Variants in RWDD2A observed in about 807,000 individuals in gnomAD.
RWDD2A encodes RWD domain containing 2A.
RWDD2A carries 15 observed loss-of-function variants against 23.1 expected under a neutral mutation model. The observed-to-expected ratio is 0.65, with a 90% CI of 0.43 to 1.00. The LOEUF (loss-of-function observed/expected upper bound fraction) is 1.00, where lower values mean the gene tolerates loss of function less well. RWDD2A is among the 50% of genes least tolerant of loss of function. RWDD2A has a pLI of 0.00. For missense variants in RWDD2A, 310 were observed against 341.7 expected, an observed-to-expected ratio of 0.91 and a Z score of 0.73; for synonymous variants, 103 against 123.0, an observed-to-expected ratio of 0.84 and a Z score of 1.08.
At chr6:83,195,401 C>T (rs1789535226) in intron 2 of RWDD2A, among the ~76,000 whole-genome samples, 194 bp from the exon 3 acceptor site, 1 of 152,174 alleles carries the variant, frequency 6.6e-6, no homozygotes, top group Non-Finnish European at 1.5e-5. Context: ...TTTTTTATCC[C>T]AGCACAAGGG....
At position 83,197,754 on chromosome 6, in the gene RWDD2A, G is replaced by A. The variant is rs1298355708; in HGVS notation, c.*1482G>A. 6.6e-6 allele frequency: 1 copy of A among 152,326 alleles called. No individual in the cohort carries two copies. Among genetic ancestry groups the A allele is most frequent in the African/African-American group, 2.4e-5 (1 of 41,456 alleles). 9.4% of individuals were successfully genotyped at this position (152,326 alleles called of 1,614,324 possible). ...CATCTGGTTTTACCCTCTGTGCCGT[G>A]GATGCAGACGTGTCCTTGGGCTACA... On this transcript the variant is annotated 3_prime_UTR_variant, in exon 3 of 3. Coordinates refer to ENST00000369724, the MANE Select transcript of RWDD2A (RefSeq NM_033411.5).
intron 1 of RWDD2A, 52 bp from the exon 2 acceptor site, chr6:83,194,255 CTAGAT>C (rs1208830770): frequency 5.2e-6 from 3 of 578,552 alleles, no homozygotes; most frequent in Admixed American, 6.3e-5. Context: ...GTTGTGCATA[CTAGAT>C]TTTGGAGTCA....
chr6:83,198,461 A>G lies in RWDD2A; in HGVS notation c.*2189A>G, dbSNP rs1473211988. On this transcript the variant is annotated 3_prime_UTR_variant, in exon 3 of 3. Transcript: ENST00000369724. ...TAGGTTTTATAGAAAAAAAAAGTAC[A>G]TGTATAATTCAAAACTCAACTTTGT... 2 of 152,162 alleles carry G rather than the reference A, an allele frequency of 1.3e-5. No individual in the cohort carries two copies. Among genetic ancestry groups the G allele is most frequent in the Non-Finnish European group, 2.9e-5 (2 of 68,034 alleles). 9.4% of individuals were successfully genotyped at this position (152,162 alleles called of 1,614,324 possible).
intron 1 of RWDD2A, chr6:83,193,712 C>G (rs550928579): frequency 1.3e-5 from 2 of 153,190 alleles, no homozygotes; most frequent in Admixed American, 6.5e-5. Context: ...AGGTCATCTC[C>G]CAAACCTTTG....
At chr6:83,195,488 G>A (rs1299437875) in intron 2 of RWDD2A, 107 bp from the exon 3 acceptor site, 1 of 888,724 alleles carries the variant, frequency 1.1e-6, no homozygotes, top group South Asian at 1.8e-5. Flanking sequence ...AAAGTACCTG[G>A]TACATTTAAT....
At position 83,196,352 on chromosome 6, in the gene RWDD2A, G is replaced by T. The variant is rs1320706767; in HGVS notation, c.*80G>T. 9 of 1,221,276 alleles carry T rather than the reference G, an allele frequency of 7.4e-6. No homozygotes were observed. Among genetic ancestry groups the T allele is most frequent in the African/African-American group, 1.5e-5 (1 of 65,982 alleles). 75.7% of individuals were successfully genotyped at this position (1,221,276 alleles called of 1,614,324 possible). On this transcript the variant is annotated 3_prime_UTR_variant, in exon 3 of 3. Transcript: ENST00000369724. ...TAAGACCAAATTAAAAAGGCTAGTG[G>T]CTGTGTAGCATCCTCAGTGCAAAAC...
At chr6:83,193,571 G>A (rs1013135926) in intron 1 of RWDD2A, 128 bp downstream of exon 1, 2 of 152,220 alleles carry the variant, frequency 1.3e-5, no homozygotes, top group Non-Finnish European at 2.9e-5. Context: ...TGCGTTCCTG[G>A]GAAGCCGGGG....
rs941346779 is a variant in RWDD2A at position 83,198,197 on chromosome 6, A to G, written c.*1925A>G. Reference sequence around the variant, plus strand: ...GATGTAACTCCATCCAAATGAATCAATATGTGCCATCAACCTACCTTATAG... The same window carrying G: ...GATGTAACTCCATCCAAATGAATCAGTATGTGCCATCAACCTACCTTATAG... On this transcript the variant is annotated 3_prime_UTR_variant, in exon 3 of 3. Coordinates refer to ENST00000369724, the MANE Select transcript of RWDD2A (RefSeq NM_033411.5). 4 of 152,204 alleles carry G rather than the reference A, an allele frequency of 2.6e-5. No homozygotes were observed. Among genetic ancestry groups the G allele is most frequent in the African/African-American group, 9.7e-5 (4 of 41,438 alleles). The allele number at this position is 152,204 out of a possible 1,614,324, so 9.4% of individuals were successfully genotyped here. A position where few individuals can be genotyped will look rare whatever the true frequency, so the allele number is the denominator to read the frequency against.
rs1789601122 is a variant in RWDD2A, at chr6:83,196,652, A to G, written c.*380A>G. 1 of 154,042 alleles carries G rather than the reference A, an allele frequency of 6.5e-6. No individual in the cohort carries two copies. Among genetic ancestry groups the G allele is most frequent in the Non-Finnish European group, 1.4e-5 (1 of 69,308 alleles). The allele number at this position is 154,042 out of a possible 1,614,324, so 9.5% of individuals were successfully genotyped here. The stretch of plus-strand genomic sequence containing the variant: ...AGCATTTGTTTCACATTGCTAGCAC[A>G]CATGTGACACACCCACTTGTCTTTC... On this transcript the variant is annotated 3_prime_UTR_variant, in exon 3 of 3. Transcript: ENST00000369724.
chr6:83,195,823 C>A lies in RWDD2A; in HGVS notation c.430C>A (p.Pro144Thr), dbSNP rs1215565943. ...CCTGAACAGAAAGCTTGTATATGAA[C>A]CATCTACACAAGCAAAGCCAGTCAA... ...YFLNRKLVYE[P>T]STQAKPVKNT... Residue 144 changes from proline to threonine, a missense_variant, in exon 3 of 3, where the codon CCA (proline) becomes ACA (threonine). Coordinates refer to ENST00000369724, the MANE Select transcript of RWDD2A (RefSeq NM_033411.5). The A allele has an allele frequency of 1.9e-6, 3 of 1,613,596 alleles. No individual in the cohort carries two copies. The highest frequency in any genetic ancestry group is 2.5e-6 in the Non-Finnish European group (3 of 1,179,912).
rs751643559 is a variant in RWDD2A, at chr6:83,195,693, A to G, written c.300A>G (p.Leu100=). The change falls in exon 3 of 3, where the codon CTA becomes CTG. Residue 100 remains leucine, a synonymous_variant. Transcript: ENST00000369724. ...RSSELDRHQQ[L]LLNKGLTSYI... ...CTGAACTTGACAGACATCAGCAGCT[A>G]CTTCTCAACAAAGGTCTCACTTCTT... 1 of 1,614,188 alleles carries G rather than the reference A, an allele frequency of 6.2e-7. No individual in the cohort carries two copies. The highest frequency in any genetic ancestry group is 1.3e-5 in the African/African-American group (1 of 75,042).
At chr6:83,194,232 T>A in intron 1 of RWDD2A, 80 bp from the exon 2 acceptor site, 1 of 470,388 alleles carries the variant, frequency 2.1e-6, no homozygotes, top group Non-Finnish European at 3.7e-6. Context: ...TTTTACGGAG[T>A]GTTTTAGAGG....
rs538156905 is a variant in RWDD2A at position 83,194,014 on chromosome 6, G to T, written c.-140-298G>T. The T allele has an allele frequency of 1.9e-3, 291 of 153,998 alleles. 2 individuals carry two copies. Among genetic ancestry groups the T allele is most frequent in the African/African-American group, 6.5e-3 (272 of 41,542 alleles). 9.5% of individuals were successfully genotyped at this position (153,998 alleles called of 1,614,324 possible). A position where few individuals can be genotyped will look rare whatever the true frequency, so the allele number is the denominator to read the frequency against. On this transcript the variant is annotated intron_variant, in intron 1 of 2. Transcript: ENST00000369724. ...GCACTGCGGCCTCTCTCGCCGCAGC[G>T]TCTGGCTCCGCCCAAGCCCGAGCCC...
At chr6:83,195,510 C>T (rs1789544128) in intron 2 of RWDD2A, 85 bp from the exon 3 acceptor site, 2 of 1,109,302 alleles carry the variant, frequency 1.8e-6, no homozygotes, top group Admixed American at 2.3e-5. Context: ...GTAGCAATAA[C>T]ATTTCTCAAA....
At chr6:83,194,165 A>C in intron 1 of RWDD2A, 147 bp from the exon 2 acceptor site, 1 of 324,560 alleles carries the variant, frequency 3.1e-6, no homozygotes, top group Non-Finnish European at 5.7e-6. Flanking sequence ...AGATTCCCCT[A>C]TCTAGTGCGG....
At chr6:83,194,704 A>G (rs762174284) in intron 2 of RWDD2A, 52 bp downstream of exon 2, 2 of 1,291,824 alleles carry the variant, frequency 1.5e-6, no homozygotes, top group Admixed American at 1.9e-5. Context: ...TAATTGAAAC[A>G]TCTAGAACAT....
At chr6:83,194,707 T>A in intron 2 of RWDD2A, 55 bp downstream of exon 2, 2 of 1,273,890 alleles carry the variant, frequency 1.6e-6, no homozygotes, top group Non-Finnish European at 2.3e-6. Context: ...TTGAAACATC[T>A]AGAACATGAG....
At chr6:83,194,869 G>T (rs566997630) in intron 2 of RWDD2A, among the ~76,000 whole-genome samples, 47 of 152,166 alleles carry the variant, frequency 3.1e-4, no homozygotes, top group African/African-American at 1.1e-3. Flanking sequence ...TTTTATTGAC[G>T]CTATCTTGCA....
intron 2 of RWDD2A, 136 bp from the exon 3 acceptor site, chr6:83,195,459 A>G: frequency 1.4e-6 from 1 of 718,900 alleles, no homozygotes; most frequent in Non-Finnish European, 2.2e-6. Context: ...AATGCATAAA[A>G]GGAAGCAATC....
Sources: gnomAD v4.1 joint callset for allele counts (sites outside exome capture counted in the v4.1 genomes callset) on GRCh38, gnomAD v4.1.1 for gene constraint, MANE v1.5 for transcripts, NCBI Gene and HGNC (gene_info 2026-07-23, HGNC 2026-07-21) for gene names.